The following GLIS3 variants were observed in gnomAD, a reference collection of about 807,000 sequenced individuals.
The protein encoded by GLIS3 is GLIS family zinc finger 3, also known as zinc finger protein GLIS3.
A neutral mutation model predicts 78.6 loss-of-function variants in GLIS3; 53 were observed. The ratio of observed to expected loss-of-function variants is 0.67; its 90% confidence interval spans 0.54 to 0.85. GLIS3 has a LOEUF of 0.85. Among genes scored for constraint, GLIS3 ranks in the 40% least tolerant of loss-of-function variants. GLIS3 has a pLI of 0.00. For missense variants in GLIS3, 1,703 were observed against 1,231.1 expected, an observed-to-expected ratio of 1.38 and a Z score of -5.74; for synonymous variants, 684 against 509.9, an observed-to-expected ratio of 1.34 and a Z score of -4.60.
At chr9:4,190,058 G>C (rs1204400483) in intron 2 of GLIS3, among the ~76,000 whole-genome samples, 1 of 152,108 alleles carries the variant, frequency 6.6e-6, no homozygotes, top group African/African-American at 2.4e-5. Context: ...AAGACCAAAA[G>C]TAGATAAAAC....
intron 2 of GLIS3, among the ~76,000 whole-genome samples, chr9:4,333,912 C>A (rs1166163243): frequency 6.6e-6 from 1 of 152,184 alleles, no homozygotes; most frequent in Non-Finnish European, 1.5e-5. Context: ...TTGGGAATTT[C>A]TTGGATTCCT....
intron 2 of GLIS3, among the ~76,000 whole-genome samples, chr9:4,211,076 C>G (rs183340535): frequency 1.3e-5 from 2 of 152,212 alleles, no homozygotes; most frequent in African/African-American, 4.8e-5. Flanking sequence ...GCGCCCTCAA[C>G]AAGGCTAAAT....
At chr9:4,432,189 A>G in the GLIS3 span, among the ~76,000 whole-genome samples, 11 of 151,918 alleles carry the variant, frequency 7.2e-5, no homozygotes, top group Non-Finnish European at 1.3e-4. Context: ...CAATGTTTCT[A>G]AAGTGCCTCG....
At chr9:4,302,618 G>A (rs577496350), upstream of GLIS3, among the ~76,000 whole-genome samples, 1 of 152,168 alleles carries the variant, frequency 6.6e-6, no homozygotes, top group East Asian at 1.9e-4. Flanking sequence ...CTCCTACTTA[G>A]AAGCAAAGAA....
chr9:3,914,901 C>G (rs572255389), intron 6 of GLIS3, among the ~76,000 whole-genome samples: 2 of 152,318 alleles, frequency 1.3e-5, no homozygotes, highest in South Asian at 2.1e-4. Flanking sequence ...TGATGTGATG[C>G]CACCAAAGTA....
chr9:4,001,014 G>A (rs1821092261), intron 4 of GLIS3, among the ~76,000 whole-genome samples: 1 of 152,146 alleles, frequency 6.6e-6, no homozygotes, highest in Non-Finnish European at 1.5e-5. Flanking sequence ...CAGGAGCTGT[G>A]TTTTCAGCTC....
At chr9:4,110,221 C>G (rs1433112535) in intron 4 of GLIS3, among the ~76,000 whole-genome samples, 2 of 152,058 alleles carry the variant, frequency 1.3e-5, no homozygotes, top group African/African-American at 4.8e-5. Flanking sequence ...CAGGACAATC[C>G]TGATTTAGAC....
intron 4 of GLIS3, among the ~76,000 whole-genome samples, chr9:4,112,061 T>A (rs141190024): frequency 6.6e-6 from 1 of 152,336 alleles, no homozygotes; most frequent in African/African-American, 2.4e-5. Flanking sequence ...GAACACTCTA[T>A]CTTACCTTTA....
intron 2 of GLIS3, among the ~76,000 whole-genome samples, chr9:4,136,020 T>C (rs1375205411): frequency 2.0e-5 from 3 of 152,180 alleles, no homozygotes; most frequent in East Asian, 1.9e-4. Flanking sequence ...CATGGCTAAA[T>C]GGCTACGAAC....
intron 4 of GLIS3, among the ~76,000 whole-genome samples, chr9:3,971,001 C>T (rs1026177949): frequency 2.1e-5 from 3 of 144,322 alleles, no homozygotes; most frequent in African/African-American, 5.2e-5. Context: ...GAGGGAGGGA[C>T]GGAGAGAAGG....
the GLIS3 span, among the ~76,000 whole-genome samples, chr9:4,389,667 C>T: frequency 0.017 from 2,570 of 152,236 alleles, 83 homozygotes; most frequent in African/African-American, 0.059. Context: ...AATCACATCA[C>T]GTCAAGCCAG....
chr9:4,320,541 A>G (rs1351393102), intron 2 of GLIS3, among the ~76,000 whole-genome samples: 3 of 152,064 alleles, frequency 2.0e-5, no homozygotes, highest in Non-Finnish European at 2.9e-5. Flanking sequence ...TACTTCTTAA[A>G]TATTCTCAAA....
At chr9:4,284,520 G>T (rs1225961128) in intron 2 of GLIS3, among the ~76,000 whole-genome samples, 6 of 151,746 alleles carry the variant, frequency 4.0e-5, no homozygotes, top group African/African-American at 1.5e-4. Flanking sequence ...TAGCCCCAGG[G>T]AAACTTTCTC....
chr9:4,194,377 A>T (rs1318927964), intron 2 of GLIS3, among the ~76,000 whole-genome samples: 2 of 152,288 alleles, frequency 1.3e-5, no homozygotes, highest in South Asian at 2.1e-4. Flanking sequence ...TTATTTTTTT[A>T]AAAGGCAGAG....
At chr9:4,061,558 A>G (rs1219996888) in intron 4 of GLIS3, among the ~76,000 whole-genome samples, 1 of 152,178 alleles carries the variant, frequency 6.6e-6, no homozygotes, top group Non-Finnish European at 1.5e-5. Flanking sequence ...ACCTCATATA[A>G]ATAGCCATAA....
chr9:3,990,456 G>C (rs1012781513), intron 4 of GLIS3, among the ~76,000 whole-genome samples: 2 of 152,148 alleles, frequency 1.3e-5, no homozygotes, highest in Non-Finnish European at 2.9e-5. Context: ...AAAACCAGTA[G>C]CATTGATCAG....
the GLIS3 span, among the ~76,000 whole-genome samples, chr9:4,452,334 A>G: frequency 6.6e-6 from 1 of 152,172 alleles, no homozygotes; most frequent in Non-Finnish European, 1.5e-5. Flanking sequence ...GAAGTCAGGC[A>G]AGAGAAAGAA....
At chr9:4,120,190 T>A (rs1832069585) in intron 3 of GLIS3, among the ~76,000 whole-genome samples, 1 of 152,216 alleles carries the variant, frequency 6.6e-6, no homozygotes, top group Admixed American at 6.5e-5. Context: ...ATCCCACCTG[T>A]TCATCTTACT....
chr9:4,179,826 C>G (rs1439947246), intron 2 of GLIS3, among the ~76,000 whole-genome samples: 2 of 151,682 alleles, frequency 1.3e-5, no homozygotes, highest in East Asian at 3.9e-4. Flanking sequence ...AGGAGAATCG[C>G]TGGAACCCGG....
Sources: allele counts gnomAD v4.1 joint callset (sites outside exome capture counted in the v4.1 genomes callset), GRCh38; gene constraint gnomAD v4.1.1; transcripts MANE v1.5; gene names NCBI Gene and HGNC (gene_info 2026-07-23, HGNC 2026-07-21).